FAM169A: variants seen among roughly 807,000 people sequenced by gnomAD.
FAM169A encodes the protein family with sequence similarity 169 member A, also known as soluble lamin-associated protein of 75 kDa.
A neutral mutation model predicts 75.7 loss-of-function variants in FAM169A; 24 were observed. That is an observed-to-expected ratio of 0.32 (90% CI 0.23 to 0.45). The LOEUF is 0.45. Ranked by LOEUF, FAM169A falls within the 20% of genes least tolerant of loss-of-function variation. The probability of loss-of-function intolerance (pLI) is 1.00; values close to 1 mark genes in which losing one functional copy is unlikely to be tolerated. For synonymous variants in FAM169A, 271 were observed against 271.0 expected (o/e 1.00, Z 0.00); for missense variants, 673 against 784.0 (o/e 0.86, Z 1.69).
chr5:74,830,747 A>G (rs1392948571), intron 5 of FAM169A, among the ~76,000 whole-genome samples: 1 of 152,196 alleles, frequency 6.6e-6, no homozygotes, highest in Middle Eastern at 3.2e-3. Flanking sequence ...GATAATGCCC[A>G]AACTTGAAAC....
Position 74,779,631 on chromosome 5 carries a change from T to C in FAM169A, c.*1829A>G, listed in dbSNP as rs1745311855. On this transcript the variant is annotated 3_prime_UTR_variant, in exon 13 of 13. Transcript: ENST00000687041. Reference sequence around the variant, plus strand: ...CTAATAGTAGTCATACTTTTTTTTTTTTACTTAGTATTAGCATTTGTTGAA... The same window carrying C: ...CTAATAGTAGTCATACTTTTTTTTTCTTACTTAGTATTAGCATTTGTTGAA... 6.6e-6 allele frequency: 1 copy of C among 152,118 alleles called. No homozygotes were observed. The highest frequency in any genetic ancestry group is 1.5e-5 in the Non-Finnish European group (1 of 67,984). The allele number at this position is 152,118 out of a possible 1,614,324, so 9.4% of individuals were successfully genotyped here.
intron 1 of FAM169A, among the ~76,000 whole-genome samples, chr5:74,845,911 A>T (rs953497165): frequency 1.2e-4 from 18 of 152,256 alleles, no homozygotes; most frequent in African/African-American, 4.1e-4. Context: ...TTCTATATGT[A>T]AAAGCAAACT....
At chr5:74,844,761 G>A (rs1749064587) in intron 1 of FAM169A, among the ~76,000 whole-genome samples, 1 of 152,152 alleles carries the variant, frequency 6.6e-6, no homozygotes, top group African/African-American at 2.4e-5. Flanking sequence ...AGTGTACGGT[G>A]AGCCAAGATC....
intron 6 of FAM169A, among the ~76,000 whole-genome samples, chr5:74,808,432 C>T (rs1746999839): frequency 6.6e-6 from 1 of 151,878 alleles, no homozygotes; most frequent in African/African-American, 2.4e-5. Flanking sequence ...TGGGCAAATT[C>T]ATAGGGACAG....
At chr5:74,825,357 C>T (rs1747969889) in intron 5 of FAM169A, among the ~76,000 whole-genome samples, 1 of 152,148 alleles carries the variant, frequency 6.6e-6, no homozygotes, top group South Asian at 2.1e-4. Context: ...ATGCAGTAGC[C>T]ACTAGTCACA....
chr5:74,805,360 T>C (rs1746811981), intron 6 of FAM169A, 76 bp from the exon 7 acceptor site: 2 of 1,438,116 alleles, frequency 1.4e-6, no homozygotes, highest in Non-Finnish European at 1.9e-6. Context: ...AAAAGTAAGC[T>C]TCCCAACTCA....
chr5:74,791,932 G>A (rs538566880), intron 11 of FAM169A, among the ~76,000 whole-genome samples: 26 of 152,262 alleles, frequency 1.7e-4, no homozygotes, highest in Non-Finnish European at 2.6e-4. Flanking sequence ...TCCTTATTTT[G>A]TTAAGAACAT....
At position 74,781,782 on chromosome 5, in the gene FAM169A, G is replaced by T; in HGVS notation, c.1691C>A (p.Thr564Asn). The T allele has an allele frequency of 6.2e-7, 1 of 1,614,030 alleles. No homozygotes were observed. The change falls in exon 13 of 13, where the codon ACT becomes AAT. Residue 564 changes from threonine to asparagine, a missense_variant. By Grantham distance (65) the Thr-to-Asn change is moderately conservative. Transcript: ENST00000687041. ...EPVSENLSPNTTSSLEDQGEE... is the reference protein window; with the variant it reads ...EPVSENLSPNNTSSLEDQGEE... ...ACCCTGGTCTTCCAATGAGGAAGTA[G>T]TATTAGGAGACAAATTCTCAGAGAC...
Position 74,838,052 on chromosome 5 carries a change from G to C in FAM169A, c.318+913C>G, listed in dbSNP as rs182665593. ...GAATCGCTTGAACCCAGGAAGCTGA[G>C]GTTGTGGTGAGCAGAGATAGCACCC... On this transcript the variant is annotated intron_variant, in intron 4 of 12. Coordinates refer to ENST00000687041, the MANE Select transcript of FAM169A (RefSeq NM_001376049.1). Among the ~76,000 whole-genome samples, 248 of 150,484 alleles carry C rather than the reference G, an allele frequency of 1.6e-3. 2 individuals are homozygous for C. Among genetic ancestry groups the C allele is most frequent in the Admixed American group, 4.3e-3 (64 of 15,046 alleles).
intron 10 of FAM169A, among the ~76,000 whole-genome samples, chr5:74,798,481 ATATC>A (rs1184209394): frequency 2.0e-4 from 30 of 152,330 alleles, no homozygotes; most frequent in Middle Eastern, 6.8e-3. Context: ...ATATTTCCTT[ATATC>A]TATCTTTAAC....
intron 1 of FAM169A, among the ~76,000 whole-genome samples, chr5:74,845,072 G>C (rs1413792701): frequency 2.0e-5 from 3 of 152,044 alleles, no homozygotes; most frequent in East Asian, 3.9e-4. Context: ...GCAAGAAACT[G>C]AAAATCCAGA....
chr5:74,782,594 ATAAAT>A (rs543019134), intron 12 of FAM169A, among the ~76,000 whole-genome samples: 3 of 152,222 alleles, frequency 2.0e-5, no homozygotes, highest in Admixed American at 6.5e-5. Flanking sequence ...TAAAACAAAT[ATAAAT>A]TACTGTTTTG....
rs2112449116 is a variant in FAM169A at position 74,781,674 on chromosome 5, G to A, written c.1799C>T (p.Pro600Leu). The change falls in exon 13 of 13, where the codon CCA becomes CTA. Residue 600 changes from proline (P) to leucine (L), a missense_variant. Transcript: ENST00000687041. ...SLIEVELEDV[P>L]FSQNAGQKNQ... is the part of the protein sequence containing the mutation. ...CTTCTGTCCTGCATTCTGTGAAAAT[G>A]GCACGTCTTCAAGTTCAACCTCTAT... 1.2e-6 allele frequency: 2 copies of A among 1,614,146 alleles called. No individual in the cohort carries two copies. Among genetic ancestry groups the A allele is most frequent in the Non-Finnish European group, 8.5e-7 (1 of 1,179,998 alleles).
intron 11 of FAM169A, among the ~76,000 whole-genome samples, chr5:74,793,416 A>T (rs1686468453): frequency 6.6e-6 from 1 of 152,146 alleles, no homozygotes; most frequent in African/African-American, 2.4e-5. Flanking sequence ...AGCAACCTGC[A>T]TGGAGTTGGA....
At chr5:74,817,012 CA>C (rs1329129595) in intron 5 of FAM169A, among the ~76,000 whole-genome samples, 1 of 152,038 alleles carries the variant, frequency 6.6e-6, no homozygotes, top group Non-Finnish European at 1.5e-5. Flanking sequence ...AAGCATTTGA[CA>C]AAACCCAACC....
At chr5:74,804,890 C>T (rs550838842) in intron 7 of FAM169A, among the ~76,000 whole-genome samples, 27 of 152,260 alleles carry the variant, frequency 1.8e-4, no homozygotes, top group Admixed American at 7.8e-4. Context: ...GAGTAATCTA[C>T]GTTTATTTCT....
intron 11 of FAM169A, among the ~76,000 whole-genome samples, chr5:74,785,390 A>T (rs933711826): frequency 5.9e-5 from 9 of 152,242 alleles, no homozygotes; most frequent in Non-Finnish European, 1.3e-4. Flanking sequence ...TCCTGTTTTT[A>T]AAAAATACGT....
rs749393423 is a variant in FAM169A at position 74,814,050 on chromosome 5, T to G, written c.491-31A>C. The G allele has an allele frequency of 9.7e-6, 14 of 1,444,468 alleles. No individual in the cohort carries two copies. In the South Asian group the frequency reaches 2.2e-4, roughly 23 times the overall value. 89.5% of individuals were successfully genotyped at this position (1,444,468 alleles called of 1,614,324 possible). On this transcript the variant is annotated intron_variant, in intron 5 of 12. Transcript: ENST00000687041. ...GTAATAAGAACAGAAACCCAATAAT[T>G]TCTCACATTAAAAAATATACATACA...
chr5:74,840,317 A>G, intron 2 of FAM169A, 144 bp from the exon 3 acceptor site: 1 of 451,506 alleles, frequency 2.2e-6, no homozygotes, highest in Non-Finnish European at 4.0e-6. Flanking sequence ...TCTCTAAAAA[A>G]AGAGTAAATC....
Sources: gnomAD v4.1 joint callset for allele counts (sites outside exome capture counted in the v4.1 genomes callset) on GRCh38, gnomAD v4.1.1 for gene constraint, MANE v1.5 for transcripts, NCBI Gene and HGNC (gene_info 2026-07-23, HGNC 2026-07-21) for gene names.